The following FSD2 variants were observed in gnomAD, a reference collection of about 807,000 sequenced individuals.
FSD2 encodes the protein fibronectin type III and SPRY domain containing 2.
FSD2 carries 71 observed loss-of-function variants against 80.4 expected under a neutral mutation model. The ratio of observed to expected loss-of-function variants is 0.88; its 90% CI spans 0.73 to 1.08. The LOEUF is 1.08. FSD2 is among the 50% of genes least tolerant of loss of function. FSD2 has a pLI of 0.00. For synonymous variants in FSD2, 361 were observed against 329.5 expected, an observed-to-expected ratio of 1.10 and a Z score of -1.03; for missense variants, 923 against 913.8, an observed-to-expected ratio of 1.01 and a Z score of -0.13.
intron 1 of FSD2, among the ~76,000 whole-genome samples, chr15:82,790,544 T>TTGTGTGTGTGTG (rs57545404): frequency 0.13 from 19,766 of 148,608 alleles, 1,345 homozygotes; most frequent in Non-Finnish European, 0.16. Flanking sequence ...GAGCTGCCAT[T>TTGTGTGTGTGTG]TGTGTGTGTG....
chr15:82,759,532 ATCT>A lies in FSD2; in HGVS notation c.2063_2065del (p.Lys688del), dbSNP rs2049240586. The A allele has an allele frequency of 2.5e-6, 4 of 1,609,182 alleles. No homozygotes were observed. Among genetic ancestry groups the A allele is most frequent in the African/African-American group, 1.3e-5 (1 of 74,882 alleles). On this transcript the variant is annotated inframe_deletion, in exon 13 of 13. Coordinates refer to ENST00000334574, the MANE Select transcript of FSD2 (RefSeq NM_001007122.4). ...ATGTTCATAGTCTAATAGAATGCCA[ATCT>A]TCTTTGGTGGAACTGTTATTCTTAT...
Position 82,759,398 on chromosome 15 carries a change from G to A in FSD2, c.2200C>T (p.Leu734=). The A allele has an allele frequency of 2.5e-6, 4 of 1,613,702 alleles. No homozygotes were observed. The highest frequency in any genetic ancestry group is 3.4e-6 in the Non-Finnish European group (4 of 1,179,768). ...PCFSLEKPGC[L]KVHNGISMPK... is the part of the protein sequence containing the mutation. ...ATTGAAATGCCATTATGTACCTTTAGACACCCAGGCTTTTCCAAAGAAAAA... is the reference window on the plus strand; with the variant it reads ...ATTGAAATGCCATTATGTACCTTTAAACACCCAGGCTTTTCCAAAGAAAAA... Residue 734 remains leucine, a synonymous_variant, in exon 13 of 13, where the codon CTA becomes TTA. Transcript: ENST00000334574.
chr15:82,756,030 G>A lies in FSD2; in HGVS notation c.*3318C>T. 1 of 509,574 alleles carries A rather than the reference G, an allele frequency of 2.0e-6. No individual in the cohort carries two copies. Among genetic ancestry groups the A allele is most frequent in the South Asian group, 1.4e-5 (1 of 69,698 alleles). 31.6% of individuals were successfully genotyped at this position (509,574 alleles called of 1,614,324 possible). On this transcript the variant is annotated 3_prime_UTR_variant, in exon 13 of 13. Transcript: ENST00000334574. ...TGAAAAGGTAGATAGAACAGGTCTT[G>A]TTTGCAAAATAAATTCAAGACCTAC...
In FSD2 at chr15:82,786,930, T is replaced by A. The variant is rs2050014852; in HGVS notation, c.461A>T (p.His154Leu). ...TTCATACTCCTCGCTGGCACGGCCG[T>A]GTGTGTACCTATAGGCTTCCCGCAA... ...QDLREAYRYT[H>L]GRASEEYECY... is the part of the protein sequence containing the mutation. Residue 154 changes from histidine to leucine, a missense_variant, in exon 2 of 13, where the codon CAC (histidine) becomes CTC (leucine). Transcript: ENST00000334574. The A allele has an allele frequency of 6.2e-7, 1 of 1,613,982 alleles. No individual in the cohort carries two copies. The highest frequency in any genetic ancestry group is 8.5e-7 in the Non-Finnish European group (1 of 1,179,892).
intron 3 of FSD2, among the ~76,000 whole-genome samples, chr15:82,783,253 C>T (rs892224513): frequency 6.6e-6 from 1 of 152,104 alleles, no homozygotes; most frequent in African/African-American, 2.4e-5. Context: ...TGTGCATCAC[C>T]ATGCCCGGCT....
At chr15:82,765,015 G>T in intron 11 of FSD2, 151 bp downstream of exon 11, 1 of 951,340 alleles carries the variant, frequency 1.1e-6, no homozygotes, top group Non-Finnish European at 1.5e-6. Flanking sequence ...ACTCCTCTGG[G>T]TCCCCTCCCC....
intron 1 of FSD2, among the ~76,000 whole-genome samples, chr15:82,798,873 GTTTTGTTTTT>G (rs1244171268): frequency 3.6e-5 from 4 of 111,456 alleles, no homozygotes; most frequent in Non-Finnish European, 7.0e-5. Flanking sequence ...TATCTCCACT[GTTTTGTTTTT>G]TTTTTTTTTT....
At chr15:82,779,628 T>G (rs1219384704) in intron 5 of FSD2, among the ~76,000 whole-genome samples, 1 of 149,940 alleles carries the variant, frequency 6.7e-6, no homozygotes, top group Non-Finnish European at 1.5e-5. Flanking sequence ...ACCTTGCCAT[T>G]GCACTCCAGC....
At chr15:82,779,592 GGAGGC>G in intron 5 of FSD2, among the ~76,000 whole-genome samples, 1 of 151,884 alleles carries the variant, frequency 6.6e-6, no homozygotes, top group East Asian at 1.9e-4. Context: ...CTTGAACCTG[GGAGGC>G]AGAGGTTGCA....
chr15:82,782,933 A>G lies in FSD2; in HGVS notation c.828T>C (p.Ala276=), dbSNP rs371232494. 5.0e-6 allele frequency: 8 copies of G among 1,613,406 alleles called. No individual in the cohort carries two copies. Among genetic ancestry groups the G allele is most frequent in the Non-Finnish European group, 6.8e-6 (8 of 1,179,770 alleles). Residue 276 remains alanine, a synonymous_variant, in exon 4 of 13, where the codon GCT becomes GCC. Coordinates refer to ENST00000334574, the MANE Select transcript of FSD2 (RefSeq NM_001007122.4). ...LAQKYEEKIQ[A]LGEKKKEKLE... The stretch of plus-strand genomic sequence containing the variant: ...GCTTCTCTTTCTTTTTCTCCCCTAG[A>G]GCTTGTATTTTTTCCTCATATTTTT...
At position 82,786,902 on chromosome 15, in the gene FSD2, G is replaced by C. The variant is rs752167870; in HGVS notation, c.489C>G (p.Cys163Trp). The change falls in exon 2 of 13, where the codon TGC becomes TGG. Residue 163 changes from cysteine (C) to tryptophan (W), a missense_variant. By Grantham distance (215) the Cys-to-Trp change is radical. Coordinates refer to ENST00000334574, the MANE Select transcript of FSD2 (RefSeq NM_001007122.4). Reference protein sequence around the residue: ...THGRASEEYECYVIPEEEDEE... With the variant: ...THGRASEEYEWYVIPEEEDEE... The stretch of plus-strand genomic sequence containing the variant: ...CATCCTCTTCCTCGGGGATGACATA[G>C]CATTCATACTCCTCGCTGGCACGGC... 3 of 1,613,956 alleles carry C rather than the reference G, an allele frequency of 1.9e-6. No individual in the cohort carries two copies. The South Asian group carries it at 3.3e-5, about 18-fold the overall frequency.
chr15:82,785,352 T>A (rs2049970987), intron 3 of FSD2, among the ~76,000 whole-genome samples: 1 of 150,660 alleles, frequency 6.6e-6, no homozygotes, highest in Non-Finnish European at 1.5e-5. Context: ...TGAGATGGAG[T>A]CTCGCTGTGT....
At chr15:82,789,970 T>G (rs2050099786) in intron 1 of FSD2, among the ~76,000 whole-genome samples, 1 of 151,854 alleles carries the variant, frequency 6.6e-6, no homozygotes, top group Non-Finnish European at 1.5e-5. Context: ...AGGTCAGGAG[T>G]TCGAGACCAG....
At chr15:82,780,594 A>G (rs1363030311) in intron 4 of FSD2, among the ~76,000 whole-genome samples, 1 of 151,906 alleles carries the variant, frequency 6.6e-6, no homozygotes, top group Non-Finnish European at 1.5e-5. Context: ...CGGCCTCCCA[A>G]AGTGCTAGGG....
At position 82,802,907 on chromosome 15, in the gene FSD2, C is replaced by T. The variant is rs75658398; in HGVS notation, c.-79+3059G>A. Among the ~76,000 whole-genome samples the T allele has an allele frequency of 7.2e-5, 11 of 152,262 alleles. No individual in the cohort carries two copies. In the East Asian group the frequency reaches 2.1e-3, roughly 29 times the overall value. On this transcript the variant is annotated intron_variant, in intron 1 of 12. Coordinates refer to ENST00000334574, the MANE Select transcript of FSD2 (RefSeq NM_001007122.4). ...CCTTCTGTGACCCTGGCTAACCTTA[C>T]CACATGCATGGTCTGTGGTGTTGGG...
intron 6 of FSD2, among the ~76,000 whole-genome samples, chr15:82,777,182 G>C (rs1291350229): frequency 6.6e-6 from 1 of 152,156 alleles, no homozygotes; most frequent in Non-Finnish European, 1.5e-5. Flanking sequence ...TCTTAGATTT[G>C]ACACCAAAAG....
At chr15:82,787,575 T>A in intron 1 of FSD2, 107 bp from the exon 2 acceptor site, 1 of 527,652 alleles carries the variant, frequency 1.9e-6, no homozygotes, top group East Asian at 3.1e-5. Context: ...ATTATCTGTG[T>A]AGTTCAGTCG....
chr15:82,786,704 A>C (rs1340854134), intron 2 of FSD2, 48 bp downstream of exon 2: 1 of 1,608,884 alleles, frequency 6.2e-7, no homozygotes, highest in South Asian at 1.1e-5. Flanking sequence ...TGTACTTGAG[A>C]TACCAAAGCA....
intron 3 of FSD2, among the ~76,000 whole-genome samples, chr15:82,783,484 A>G (rs2049920880): frequency 6.6e-6 from 1 of 152,150 alleles, no homozygotes; most frequent in Admixed American, 6.6e-5. Context: ...TCTTGTTGGG[A>G]GTTGGAATGG....
Sources: allele counts gnomAD v4.1 joint callset (sites outside exome capture counted in the v4.1 genomes callset), GRCh38; gene constraint gnomAD v4.1.1; transcripts MANE v1.5; gene names NCBI Gene and HGNC (gene_info 2026-07-23, HGNC 2026-07-21).